Variants in IPO11 observed in about 807,000 individuals in gnomAD.
IPO11 encodes the protein importin-11.
In IPO11, 66 loss-of-function variants were observed where a neutral mutation model predicts 143.2. The ratio of observed to expected loss-of-function variants is 0.46; its 90% CI spans 0.38 to 0.57. The LOEUF is 0.57. Ranked by LOEUF, IPO11 falls within the 20% of genes least tolerant of loss-of-function variation. The pLI is 0.00. For missense variants in IPO11, 1,026 were observed against 1,141.0 expected, an observed-to-expected ratio of 0.90 and a Z score of 1.45; for synonymous variants, 385 against 377.8, an observed-to-expected ratio of 1.02 and a Z score of -0.22.
intron 1 of IPO11, among the ~76,000 whole-genome samples, chr5:62,416,186 T>TC (rs1184533353): frequency 2.7e-5 from 4 of 146,596 alleles, no homozygotes; most frequent in Middle Eastern, 3.4e-3. Flanking sequence ...TCTTTTCTTT[T>TC]TTTTTTTTTT....
At chr5:62,482,602 A>G (rs1746253988) in intron 9 of IPO11, among the ~76,000 whole-genome samples, 1 of 152,172 alleles carries the variant, frequency 6.6e-6, no homozygotes, top group South Asian at 2.1e-4. Flanking sequence ...GCCTAGATCC[A>G]TTATTTGATC....
At chr5:62,593,381 G>C (rs1192940809) in intron 28 of IPO11, among the ~76,000 whole-genome samples, 1 of 152,180 alleles carries the variant, frequency 6.6e-6, no homozygotes, top group Non-Finnish European at 1.5e-5. Context: ...GGGCACAGTG[G>C]CTCCTGCCTG....
chr5:62,500,860 G>T (rs995951175), intron 16 of IPO11, among the ~76,000 whole-genome samples: 3 of 152,118 alleles, frequency 2.0e-5, no homozygotes, highest in African/African-American at 7.2e-5. Flanking sequence ...CAGCATCACC[G>T]CAAATGCATA....
intron 5 of IPO11, among the ~76,000 whole-genome samples, chr5:62,460,206 C>T (rs1230229719): frequency 1.3e-5 from 2 of 151,958 alleles, no homozygotes; most frequent in Non-Finnish European, 2.9e-5. Context: ...CTAGATTGTT[C>T]TCAAACACAT....
intron 26 of IPO11, 124 bp downstream of exon 26, chr5:62,551,460 C>A (rs2112349777): frequency 1.9e-6 from 1 of 533,696 alleles, no homozygotes; most frequent in Admixed American, 3.1e-5. Flanking sequence ...CATTTTAAAT[C>A]TTTATTTATG....
At position 62,538,492 on chromosome 5, in the gene IPO11, C is replaced by T. The variant is rs145626028; in HGVS notation, c.2250+1203C>T. On this transcript the variant is annotated intron_variant, in intron 24 of 29. Transcript: ENST00000325324. ...TTGTTCTCATGATAGTGAGTCCTCA[C>T]GAGATCTGATTGTTTTATAAGGGCC... Among the ~76,000 whole-genome samples, 71 of 152,234 alleles carry T rather than the reference C, an allele frequency of 4.7e-4. No individual in the cohort carries two copies. In the East Asian group the frequency reaches 0.01, roughly 22 times the overall value.
At chr5:62,470,220 A>G (rs1175325658) in intron 6 of IPO11, 30 bp from the exon 7 acceptor site, 1 of 1,597,780 alleles carries the variant, frequency 6.3e-7, no homozygotes, top group East Asian at 2.2e-5. Flanking sequence ...ATAAAATAAG[A>G]TTCAAGTAAA....
At chr5:62,560,083 A>G (rs1414729667) in intron 26 of IPO11, among the ~76,000 whole-genome samples, 1 of 152,110 alleles carries the variant, frequency 6.6e-6, no homozygotes, top group African/African-American at 2.4e-5. Context: ...AATTAAAGGT[A>G]CCCTTCCAGA....
At chr5:62,621,015 T>C (rs1310331184) in intron 29 of IPO11, among the ~76,000 whole-genome samples, 1 of 151,952 alleles carries the variant, frequency 6.6e-6, no homozygotes, top group African/African-American at 2.4e-5. Context: ...TGAGTACGAG[T>C]AGTTTAAGAG....
intron 27 of IPO11, among the ~76,000 whole-genome samples, chr5:62,587,844 C>T (rs1218534627): frequency 6.6e-6 from 1 of 152,148 alleles, no homozygotes; most frequent in Non-Finnish European, 1.5e-5. Flanking sequence ...TTGACTTGCC[C>T]AAGGCCGTGT....
At chr5:62,430,056 T>C (rs1274863132) in intron 1 of IPO11, among the ~76,000 whole-genome samples, 2 of 152,168 alleles carry the variant, frequency 1.3e-5, no homozygotes, top group African/African-American at 2.4e-5. Context: ...TGCACCTGGC[T>C]GAAATACGCA....
At chr5:62,443,865 T>C (rs1407412927) in intron 3 of IPO11, among the ~76,000 whole-genome samples, 4 of 152,186 alleles carry the variant, frequency 2.6e-5, no homozygotes, top group Non-Finnish European at 4.4e-5. Context: ...CTGGGATTTG[T>C]TTGATAGAAA....
chr5:62,549,768 ACATCT>A (rs1401508190), intron 24 of IPO11, among the ~76,000 whole-genome samples: 1 of 152,230 alleles, frequency 6.6e-6, no homozygotes, highest in African/African-American at 2.4e-5. Context: ...TGTAAAAGAA[ACATCT>A]CACTCATATC....
chr5:62,441,139 A>G (rs1744460935), intron 2 of IPO11, among the ~76,000 whole-genome samples: 1 of 152,162 alleles, frequency 6.6e-6, no homozygotes, highest in African/African-American at 2.4e-5. Flanking sequence ...AACATAATGC[A>G]TACTTTTTTT....
intron 27 of IPO11, among the ~76,000 whole-genome samples, chr5:62,588,292 T>A (rs553670952): frequency 6.6e-6 from 1 of 152,078 alleles, no homozygotes; most frequent in Non-Finnish European, 1.5e-5. Context: ...AGTGGTGCCA[T>A]CATGGTTCAC....
intron 1 of IPO11, among the ~76,000 whole-genome samples, chr5:62,433,398 G>C (rs1187431595): frequency 6.6e-6 from 1 of 152,120 alleles, no homozygotes; most frequent in African/African-American, 2.4e-5. Context: ...GTTTCCAACT[G>C]TAGGCACGTT....
intron 16 of IPO11, among the ~76,000 whole-genome samples, chr5:62,499,998 T>G (rs1741294806): frequency 2.6e-5 from 4 of 152,170 alleles, no homozygotes; most frequent in Admixed American, 2.0e-4. Flanking sequence ...CAATGCCTTC[T>G]TCTGAGCTGG....
intron 26 of IPO11, among the ~76,000 whole-genome samples, chr5:62,557,206 G>A (rs189058097): frequency 1.7e-4 from 26 of 151,322 alleles, no homozygotes; most frequent in African/African-American, 4.8e-4. Context: ...TTTTTGAGAC[G>A]GAGTTTCAAT....
At chr5:62,613,070 T>G (rs1282847096) in intron 29 of IPO11, among the ~76,000 whole-genome samples, 1 of 152,214 alleles carries the variant, frequency 6.6e-6, no homozygotes, top group Non-Finnish European at 1.5e-5. Flanking sequence ...AGCAGTGTTT[T>G]GTTGTTTAAT....
Sources: allele counts gnomAD v4.1 joint callset (sites outside exome capture counted in the v4.1 genomes callset), GRCh38; gene constraint gnomAD v4.1.1; transcripts MANE v1.5; gene names NCBI Gene and HGNC (gene_info 2026-07-23, HGNC 2026-07-21).